The following CEP164 variants were observed in gnomAD, a reference collection of about 807,000 sequenced individuals.
CEP164 encodes the protein centrosomal protein of 164 kDa.
CEP164 carries 162 observed loss-of-function variants against 182.7 expected under a neutral mutation model. The ratio of observed to expected loss-of-function variants is 0.89; its 90% CI spans 0.78 to 1.01. CEP164 has a LOEUF of 1.01. CEP164 is among the 50% of genes least tolerant of loss of function. The pLI, the probability that CEP164 is intolerant of heterozygous loss-of-function variation, is 0.00. For missense variants in CEP164, 1,735 were observed against 1,790.4 expected (o/e 0.97, Z 0.56); for synonymous variants, 661 against 690.0 (o/e 0.96, Z 0.66).
At position 117,391,130 on chromosome 11, in the gene CEP164, A is replaced by C. The variant is rs746693932; in HGVS notation, c.2198A>C (p.Glu733Ala). 1.2e-6 allele frequency: 2 copies of C among 1,613,952 alleles called. No homozygotes were observed. The highest frequency in any genetic ancestry group is 2.2e-5 in the South Asian group (2 of 91,068). The stretch of plus-strand genomic sequence containing the variant: ...CTCAAGGAAGAGATAGAGGCTTCGG[A>C]GAAGAGCGAGCAGGCTGCCCTGAAT... Reference protein sequence around the residue: ...EQLKEEIEASEKSEQAALNAA... With the variant: ...EQLKEEIEASAKSEQAALNAA... The change falls in exon 17 of 33, where the codon GAG (glutamate) becomes GCG (alanine). Residue 733 changes from glutamate (E) to alanine (A), a missense_variant. By Grantham distance (107) the Glu-to-Ala change is moderately radical. Coordinates refer to ENST00000278935, the MANE Select transcript of CEP164 (RefSeq NM_014956.5).
chr11:117,323,525 T>C (rs2035327397), upstream of CEP164, among the ~76,000 whole-genome samples: 5 of 152,194 alleles, frequency 3.3e-5, no homozygotes, highest in Admixed American at 3.3e-4. Context: ...ATTGCATATC[T>C]TGGGTAATGT....
In CEP164 at chr11:117,391,052, A is replaced by T. The variant is rs780538516; in HGVS notation, c.2120A>T (p.Gln707Leu). Residue 707 changes from glutamine to leucine, a missense_variant, in exon 17 of 33, where the codon CAG becomes CTG. Transcript: ENST00000278935. Reference sequence around the variant, plus strand: ...CTGAGAGAAGAGTTGGAGTCTCAACAGAAGGCTGAGAGGGCCAGCTTGGAA... The same window carrying T: ...CTGAGAGAAGAGTTGGAGTCTCAACTGAAGGCTGAGAGGGCCAGCTTGGAA... Reference protein sequence around the residue: ...QKLREELESQQKAERASLEQK... With the variant: ...QKLREELESQLKAERASLEQK... 2 of 1,614,046 alleles carry T rather than the reference A, an allele frequency of 1.2e-6. No individual in the cohort carries two copies. Among genetic ancestry groups the T allele is most frequent in the African/African-American group, 1.3e-5 (1 of 74,930 alleles).
At chr11:117,408,127 T>A in intron 28 of CEP164, 95 bp downstream of exon 28, 1 of 912,462 alleles carries the variant, frequency 1.1e-6, no homozygotes, top group African/African-American at 1.7e-5. Context: ...TCCGGGGGAG[T>A]TGGGCCTCTA....
intron 30 of CEP164, 27 bp from the exon 31 acceptor site, chr11:117,410,801 C>T (rs1419691817): frequency 1.2e-6 from 2 of 1,602,178 alleles, no homozygotes; most frequent in South Asian, 2.2e-5. Flanking sequence ...CTGCCCATTT[C>T]TGAGTCCTGT....
At chr11:117,390,455 C>T (rs2044491189) in intron 15 of CEP164, among the ~76,000 whole-genome samples, 1 of 151,794 alleles carries the variant, frequency 6.6e-6, no homozygotes, top group Admixed American at 6.6e-5. Context: ...CAAGACCAGC[C>T]TGGGCAACAT....
chr11:117,332,222 A>T (rs571021313), intron 1 of CEP164, among the ~76,000 whole-genome samples: 1 of 152,174 alleles, frequency 6.6e-6, no homozygotes, highest in East Asian at 1.9e-4. Context: ...AGAGGAGGAG[A>T]CATGGCCCTC....
At chr11:117,335,925 T>G (rs2037024296) in intron 2 of CEP164, among the ~76,000 whole-genome samples, 1 of 152,174 alleles carries the variant, frequency 6.6e-6, no homozygotes, top group African/African-American at 2.4e-5. Flanking sequence ...ATCTCAAACT[T>G]GTCTTCAATA....
At chr11:117,406,016 C>G (rs2046635744) in intron 27 of CEP164, among the ~76,000 whole-genome samples, 1 of 152,212 alleles carries the variant, frequency 6.6e-6, no homozygotes, top group African/African-American at 2.4e-5. Flanking sequence ...TCTGAGCCCT[C>G]CAAACTGTTC....
At position 117,390,805 on chromosome 11, in the gene CEP164, A is replaced by G. The variant is rs1243362060; in HGVS notation, c.1963A>G (p.Ile655Val). The change falls in exon 16 of 33, where the codon ATT (isoleucine) becomes GTT (valine). Residue 655 changes from isoleucine (I) to valine (V), a missense_variant. Ile to Val is a conservative substitution (Grantham distance 29, BLOSUM62 3). Coordinates refer to ENST00000278935, the MANE Select transcript of CEP164 (RefSeq NM_014956.5). ...CTTGAGGGAGCGGCTGCAGAAAGCC[A>G]TTGAGGAGGAGGAGGCCCGGATGAG... ...SSLRERLQKA[I>V]EEEEARMREE... 6.2e-7 allele frequency: 1 copy of G among 1,613,894 alleles called. No individual in the cohort carries two copies. The highest frequency in any genetic ancestry group is 1.1e-5 in the South Asian group (1 of 91,064).
intron 11 of CEP164, among the ~76,000 whole-genome samples, chr11:117,376,674 AGTTGC>A (rs2042776243): frequency 6.6e-6 from 1 of 152,188 alleles, no homozygotes; most frequent in South Asian, 2.1e-4. Flanking sequence ...GAGGCAGGCC[AGTTGC>A]ATTTGAGCCC....
intron 15 of CEP164, 37 bp from the exon 16 acceptor site, chr11:117,390,740 G>T: frequency 6.2e-7 from 1 of 1,613,054 alleles, no homozygotes; most frequent in Non-Finnish European, 8.5e-7. Context: ...GACCTTTGTG[G>T]TTTCTCTGAC....
chr11:117,395,575 A>T lies in CEP164; in HGVS notation c.2942A>T (p.Glu981Val), dbSNP rs771547234. The T allele has an allele frequency of 6.2e-7, 1 of 1,613,094 alleles. No individual in the cohort carries two copies. Among genetic ancestry groups the T allele is most frequent in the Admixed American group, 1.7e-5 (1 of 59,890 alleles). The change falls in exon 24 of 33, where the codon GAG becomes GTG. Residue 981 changes from glutamate (E) to valine (V), a missense_variant. Physicochemically the swap from Glu to Val is moderately radical, Grantham distance 121 (BLOSUM62 -2). Coordinates refer to ENST00000278935, the MANE Select transcript of CEP164 (RefSeq NM_014956.5). ...GCCACAGCCACCCATCAGCAGCTGG[A>T]GGAGGCACAGAAGGAGCACACCCAC... ...EEATATHQQL[E>V]EAQKEHTHLL... is the part of the protein sequence containing the mutation.
At chr11:117,383,840 C>T (rs1565550768) in intron 14 of CEP164, among the ~76,000 whole-genome samples, 1 of 152,130 alleles carries the variant, frequency 6.6e-6, no homozygotes, top group Non-Finnish European at 1.5e-5. Context: ...AGTTTGAGAC[C>T]AGCTGGCCAA....
In CEP164 at chr11:117,367,943, A is replaced by G. The variant is rs529143875; in HGVS notation, c.766-3137A>G. Among the ~76,000 whole-genome samples, 3 of 152,344 alleles carry G rather than the reference A, an allele frequency of 2.0e-5. No homozygotes were observed. In the South Asian group the frequency reaches 6.2e-4, roughly 32 times the overall value. On this transcript the variant is annotated intron_variant, in intron 8 of 32. Coordinates refer to ENST00000278935, the MANE Select transcript of CEP164 (RefSeq NM_014956.5). ...ATAAGCACTGTAATAAATATAGTCT[A>G]ATCCCTATATAACCGTGTAAAGTAA...
At chr11:117,388,639 G>A (rs2044224905) in intron 15 of CEP164, among the ~76,000 whole-genome samples, 1 of 152,156 alleles carries the variant, frequency 6.6e-6, no homozygotes. Context: ...GAAGGGATTG[G>A]ACTTAAAACT....
At chr11:117,379,839 A>C (rs2043127071) in intron 11 of CEP164, among the ~76,000 whole-genome samples, 1 of 149,844 alleles carries the variant, frequency 6.7e-6, no homozygotes, top group African/African-American at 2.5e-5. Context: ...CTTGCCTCAA[A>C]GAATAGTTCT....
chr11:117,336,362 C>T, intron 2 of CEP164: 4 of 1,429,416 alleles, frequency 2.8e-6, no homozygotes, highest in South Asian at 2.3e-5. Context: ...AAGAGATTCA[C>T]AGGAGGGATT....
chr11:117,384,916 C>T (rs148863812), intron 14 of CEP164: 19 of 152,426 alleles, frequency 1.2e-4, no homozygotes, highest in Non-Finnish European at 2.5e-4. Context: ...ACATGTGCCA[C>T]TCACCGAATG....
chr11:117,346,620 T>C (rs2038937238), intron 4 of CEP164, among the ~76,000 whole-genome samples: 1 of 151,468 alleles, frequency 6.6e-6, no homozygotes, highest in South Asian at 2.1e-4. Flanking sequence ...TCCCAGCACT[T>C]TGGGAGGCCG....
Sources: gnomAD v4.1 joint callset for allele counts (sites outside exome capture counted in the v4.1 genomes callset) on GRCh38, gnomAD v4.1.1 for gene constraint, MANE v1.5 for transcripts, NCBI Gene and HGNC (gene_info 2026-07-23, HGNC 2026-07-21) for gene names.